Variants in OVCH1 observed in about 807,000 individuals in gnomAD.
The protein encoded by OVCH1 is ovochymase 1.
A neutral mutation model predicts 138.4 loss-of-function variants in OVCH1; 139 were observed. The observed-to-expected ratio is 1.00, with a 90% CI of 0.87 to 1.16. The LOEUF (loss-of-function observed/expected upper bound fraction) is 1.16. Among genes scored for constraint, OVCH1 ranks in the 50% most tolerant of loss-of-function variants. The pLI is 0.00. For missense variants in OVCH1, 1,367 were observed against 1,357.9 expected (o/e 1.01, Z -0.11); for synonymous variants, 453 against 467.8 (o/e 0.97, Z 0.41).
At chr12:29,439,200 G>C (rs1941422175) in intron 26 of OVCH1, 7 of 799,808 alleles carry the variant, frequency 8.8e-6, no homozygotes, top group Non-Finnish European at 1.2e-5. Flanking sequence ...ACCCCTAGAA[G>C]CTCAAAGTCC....
chr12:29,469,520 C>T (rs537966202), intron 16 of OVCH1, among the ~76,000 whole-genome samples: 2 of 152,136 alleles, frequency 1.3e-5, no homozygotes, highest in South Asian at 2.1e-4. Flanking sequence ...ACAAGCTCAG[C>T]ACATCTGAGC....
At chr12:29,497,278 C>T (rs1412552986) in intron 1 of OVCH1, among the ~76,000 whole-genome samples, 2 of 151,998 alleles carry the variant, frequency 1.3e-5, no homozygotes, top group East Asian at 3.9e-4. Context: ...ACAAACAAAA[C>T]AAAAGATACT....
downstream of OVCH1, among the ~76,000 whole-genome samples, chr12:29,411,972 C>T (rs1331482638): frequency 9.7e-6 from 1 of 102,688 alleles, no homozygotes; most frequent in Non-Finnish European, 2.5e-5. Flanking sequence ...GTTCAAGCTT[C>T]CCCGCTGCTT....
At chr12:29,423,514 T>C (rs1447277863), downstream of OVCH1, among the ~76,000 whole-genome samples, 2 of 152,046 alleles carry the variant, frequency 1.3e-5, no homozygotes, top group Non-Finnish European at 2.9e-5. Flanking sequence ...AAAGACCTGA[T>C]AGAAAAAATG....
At chr12:29,482,502 C>T (rs1312470858) in intron 8 of OVCH1, among the ~76,000 whole-genome samples, 3 of 152,096 alleles carry the variant, frequency 2.0e-5, no homozygotes, top group Non-Finnish European at 4.4e-5. Flanking sequence ...ATCCCATTTC[C>T]ACCTTCTAAC....
intron 27 of OVCH1, among the ~76,000 whole-genome samples, chr12:29,433,569 G>T (rs1393519142): frequency 6.6e-6 from 1 of 152,000 alleles, no homozygotes; most frequent in Non-Finnish European, 1.5e-5. Flanking sequence ...GATTATTGAC[G>T]ATCTCCATTA....
At chr12:29,452,963 G>T (rs1199312608) in intron 21 of OVCH1, among the ~76,000 whole-genome samples, 6 of 152,274 alleles carry the variant, frequency 3.9e-5, no homozygotes, top group Admixed American at 1.3e-4. Flanking sequence ...ATTTAAAAGA[G>T]AAACATTTTC....
chr12:29,439,277 G>C (rs1348702293), intron 26 of OVCH1: 3 of 1,353,256 alleles, frequency 2.2e-6, no homozygotes, highest in Admixed American at 6.1e-5. Context: ...TGTTCTTTTT[G>C]TTAAGATGTT....
intron 3 of OVCH1, among the ~76,000 whole-genome samples, chr12:29,418,676 GAGTAT>G (rs1162941740): frequency 2.6e-5 from 4 of 152,134 alleles, no homozygotes; most frequent in African/African-American, 9.7e-5. Context: ...AAGCCAAGGT[GAGTAT>G]AGAGAGGTTT....
chr12:29,496,407 T>A, intron 2 of OVCH1, 129 bp from the exon 3 acceptor site: 1 of 1,141,762 alleles, frequency 8.8e-7, no homozygotes, highest in Non-Finnish European at 1.2e-6. Flanking sequence ...AATTGGATAG[T>A]AAGATAGTTC....
chr12:29,481,907 C>T lies in OVCH1; in HGVS notation c.996-2999G>A, dbSNP rs564420967. ...ACTGTCAACTCATCAGCAAATCCTA[C>T]GGCCCTACCACTCTTCACCACCTCT... On this transcript the variant is annotated intron_variant, in intron 8 of 27. Coordinates refer to ENST00000318184, the Ensembl canonical transcript of OVCH1. 3.9e-4 allele frequency among the ~76,000 whole-genome samples: 59 copies of T among 152,328 alleles called. 1 individual carries two copies. The highest frequency in any genetic ancestry group is 1.3e-3 in the African/African-American group (56 of 41,582).
chr12:29,482,097 T>G (rs1459740057), intron 8 of OVCH1, among the ~76,000 whole-genome samples: 1 of 152,194 alleles, frequency 6.6e-6, no homozygotes, highest in Non-Finnish European at 1.5e-5. Context: ...ATGATCTTCC[T>G]CATTCAAAAT....
intron 26 of OVCH1, chr12:29,433,926 T>C: frequency 1.1e-6 from 1 of 933,380 alleles, no homozygotes; most frequent in Non-Finnish European, 1.4e-6. Context: ...CAAAGCCTGC[T>C]GGCTGATTAA....
At chr12:29,428,375 T>TAA (rs1941213799) in intron 27 of OVCH1, among the ~76,000 whole-genome samples, 2 of 152,380 alleles carry the variant, frequency 1.3e-5, no homozygotes, top group South Asian at 4.1e-4. Flanking sequence ...TAGGTTTTTC[T>TAA]AACACCTTCT....
chr12:29,438,753 G>C (rs551232036), intron 26 of OVCH1, among the ~76,000 whole-genome samples: 4 of 151,998 alleles, frequency 2.6e-5, no homozygotes, highest in Non-Finnish European at 5.9e-5. Context: ...TACTGCTATG[G>C]TTTTAAGATT....
chr12:29,475,196 A>T lies in OVCH1; in HGVS notation c.1472-7T>A. 1.4e-6 allele frequency: 2 copies of T among 1,429,574 alleles called. No homozygotes were observed. The highest frequency in any genetic ancestry group is 1.8e-6 in the Non-Finnish European group (2 of 1,085,238). The allele number at this position is 1,429,574 out of a possible 1,614,324, so 88.6% of individuals were successfully genotyped here. ...AACATTCCACAAAGTTTAGCTGAAA[A>T]AATTTTAGGAAAGTTTGATTTATAG... On this transcript the variant is annotated splice_polypyrimidine_tract_variant and splice_region_variant and intron_variant, in intron 13 of 27. Transcript: ENST00000318184.
At chr12:29,437,580 A>G (rs763891075) in intron 26 of OVCH1, among the ~76,000 whole-genome samples, 5 of 152,206 alleles carry the variant, frequency 3.3e-5, no homozygotes, top group African/African-American at 4.8e-5. Context: ...TAACACTCAT[A>G]GTTTTCAAGG....
At chr12:29,410,976 A>G (rs1159848407), downstream of OVCH1, among the ~76,000 whole-genome samples, 1 of 151,828 alleles carries the variant, frequency 6.6e-6, no homozygotes, top group African/African-American at 2.4e-5. Flanking sequence ...GTCTTTTCAC[A>G]TAGTCCCATA....
intron 23 of OVCH1, 101 bp from the exon 24 acceptor site, chr12:29,444,381 G>T: frequency 8.0e-7 from 1 of 1,243,202 alleles, no homozygotes. Context: ...TTCCCTAATT[G>T]TCCTGGGAAA....
Sources: gnomAD v4.1 joint callset for allele counts (sites outside exome capture counted in the v4.1 genomes callset) on GRCh38, gnomAD v4.1.1 for gene constraint, MANE v1.5 for transcripts, NCBI Gene and HGNC (gene_info 2026-07-23, HGNC 2026-07-21) for gene names.